The following INPP4B variants were observed in gnomAD, a reference collection of about 807,000 sequenced individuals.
INPP4B encodes the protein inositol polyphosphate 4-phosphatase type II.
A neutral mutation model predicts 122.5 loss-of-function variants in INPP4B; 55 were observed. The ratio of observed to expected loss-of-function variants is 0.45; its 90% CI spans 0.36 to 0.56. INPP4B has a LOEUF of 0.56. Ranked by LOEUF, INPP4B falls within the 20% of genes least tolerant of loss-of-function variation. INPP4B has a pLI of 0.00. For synonymous variants in INPP4B, 403 were observed against 388.7 expected (o/e 1.04, Z -0.43); for missense variants, 1,000 against 1,097.7 (o/e 0.91, Z 1.26).
chr4:142,219,573 T>C lies in INPP4B; in HGVS notation c.837-10547A>G, dbSNP rs138979445. Reference sequence around the variant, plus strand: ...TTCTCACAAATCCACATATGTTCATTACATGCCTTTTCATTCTAAGTAGCC... The same window carrying C: ...TTCTCACAAATCCACATATGTTCATCACATGCCTTTTCATTCTAAGTAGCC... On this transcript the variant is annotated intron_variant, in intron 12 of 25. Coordinates refer to ENST00000262992, the MANE Select transcript of INPP4B (RefSeq NM_001101669.3). 3.3e-5 allele frequency among the ~76,000 whole-genome samples: 5 copies of C among 152,322 alleles called. No homozygotes were observed. In the East Asian group the frequency reaches 7.7e-4, roughly 23 times the overall value.
chr4:142,492,242 A>G (rs1821973902), intron 2 of INPP4B, among the ~76,000 whole-genome samples: 1 of 152,126 alleles, frequency 6.6e-6, no homozygotes, highest in Non-Finnish European at 1.5e-5. Flanking sequence ...TTTCCTTTAT[A>G]AACTACCCAT....
At chr4:142,419,602 T>A (rs1034188376) in intron 5 of INPP4B, among the ~76,000 whole-genome samples, 1 of 152,150 alleles carries the variant, frequency 6.6e-6, no homozygotes, top group African/African-American at 2.4e-5. Context: ...AGATTTAGTT[T>A]CTTCCACTAC....
At chr4:142,372,747 C>T (rs570167904) in intron 7 of INPP4B, among the ~76,000 whole-genome samples, 14 of 152,080 alleles carry the variant, frequency 9.2e-5, no homozygotes, top group South Asian at 4.1e-4. Flanking sequence ...GTAAGATTGA[C>T]GGCATCCTTT....
chr4:142,323,279 T>G (rs1278684796), intron 7 of INPP4B, among the ~76,000 whole-genome samples: 1 of 152,102 alleles, frequency 6.6e-6, no homozygotes, highest in Non-Finnish European at 1.5e-5. Context: ...ATCATAGTGT[T>G]CATTTTGGTA....
At chr4:142,637,321 C>T (rs940903308) in intron 2 of INPP4B, among the ~76,000 whole-genome samples, 6 of 151,920 alleles carry the variant, frequency 3.9e-5, no homozygotes, top group Non-Finnish European at 5.9e-5. Context: ...CATTGCCCCC[C>T]GCAAAAAAAT....
intron 2 of INPP4B, among the ~76,000 whole-genome samples, chr4:142,591,425 A>G (rs1215727105): frequency 6.6e-6 from 1 of 152,206 alleles, no homozygotes; most frequent in African/African-American, 2.4e-5. Flanking sequence ...AACCCAAAGT[A>G]TAAAATAAAT....
intron 17 of INPP4B, among the ~76,000 whole-genome samples, chr4:142,150,225 G>T (rs907182485): frequency 6.6e-6 from 1 of 152,192 alleles, no homozygotes; most frequent in African/African-American, 2.4e-5. Context: ...ATTAGTTTCA[G>T]ATTGCTCCCA....
intron 25 of INPP4B, among the ~76,000 whole-genome samples, chr4:142,074,927 C>T (rs889697972): frequency 1.3e-5 from 2 of 151,988 alleles, no homozygotes; most frequent in Non-Finnish European, 2.9e-5. Context: ...ATCCTTAAGA[C>T]ACAGTTCAGA....
rs893284875 is a variant in INPP4B at position 142,590,704 on chromosome 4, T to C, written c.-190-127978A>G. ...TATTGTATATAATATATAGAGGTTA[T>C]ATAAAAAGATATTCATAAATGTGTA... On this transcript the variant is annotated intron_variant, in intron 2 of 25. Transcript: ENST00000262992. Among the ~76,000 whole-genome samples the C allele has an allele frequency of 2.6e-5, 4 of 151,602 alleles. No individual in the cohort carries two copies. The East Asian group carries it at 7.7e-4, about 29-fold the overall frequency.
intron 2 of INPP4B, among the ~76,000 whole-genome samples, chr4:142,573,854 T>C (rs1324433756): frequency 6.6e-6 from 1 of 152,138 alleles, no homozygotes; most frequent in Non-Finnish European, 1.5e-5. Context: ...TTGCATTCTA[T>C]TGACAGTTTA....
chr4:142,405,159 A>AAGTGAG, intron 6 of INPP4B, 47 bp downstream of exon 6: 1 of 969,576 alleles, frequency 1.0e-6, no homozygotes, highest in Non-Finnish European at 1.6e-6. Context: ...GCGAGCCAGC[A>AAGTGAG]AGAGAGAGAG....
intron 2 of INPP4B, among the ~76,000 whole-genome samples, chr4:142,478,069 C>T (rs1820027998): frequency 6.6e-6 from 1 of 152,140 alleles, no homozygotes; most frequent in Non-Finnish European, 1.5e-5. Flanking sequence ...TCCCAGTATG[C>T]TGGGGTTATA....
At chr4:142,081,602 GC>G (rs1249491221) in intron 25 of INPP4B, among the ~76,000 whole-genome samples, 18 of 152,218 alleles carry the variant, frequency 1.2e-4, no homozygotes, top group African/African-American at 3.4e-4. Flanking sequence ...AATTTGGAAA[GC>G]TTTTGTTTGG....
At chr4:142,732,639 T>C (rs1422041654) in intron 1 of INPP4B, among the ~76,000 whole-genome samples, 1 of 150,676 alleles carries the variant, frequency 6.6e-6, no homozygotes, top group East Asian at 2.0e-4. Flanking sequence ...ATGTTCGTGA[T>C]ATCTACACCA....
At chr4:142,567,384 C>CTA (rs1236448138) in intron 2 of INPP4B, among the ~76,000 whole-genome samples, 1 of 152,124 alleles carries the variant, frequency 6.6e-6, no homozygotes, top group Non-Finnish European at 1.5e-5. Flanking sequence ...TGATCACTAA[C>CTA]TACAACTAGT....
chr4:142,592,589 T>G (rs1017160891), intron 2 of INPP4B, among the ~76,000 whole-genome samples: 4 of 152,240 alleles, frequency 2.6e-5, no homozygotes, highest in Non-Finnish European at 5.9e-5. Flanking sequence ...TTTCTATTTC[T>G]ATGGAATCAG....
At chr4:142,643,211 C>T (rs1408407392) in intron 2 of INPP4B, among the ~76,000 whole-genome samples, 1 of 151,920 alleles carries the variant, frequency 6.6e-6, no homozygotes, top group African/African-American at 2.4e-5. Context: ...ATGCCATCTG[C>T]AAACAGGGCC....
chr4:142,722,448 C>T (rs1764812665), intron 2 of INPP4B, among the ~76,000 whole-genome samples: 1 of 152,046 alleles, frequency 6.6e-6, no homozygotes, highest in African/African-American at 2.4e-5. Context: ...TGAACAGTAG[C>T]AGGAGCTGAT....
At chr4:142,343,010 G>C (rs117717205) in intron 7 of INPP4B, among the ~76,000 whole-genome samples, 1 of 152,212 alleles carries the variant, frequency 6.6e-6, no homozygotes, top group Non-Finnish European at 1.5e-5. Flanking sequence ...CCTGTTATTA[G>C]TGGAGAAATG....
Sources: allele counts gnomAD v4.1 joint callset (sites outside exome capture counted in the v4.1 genomes callset), GRCh38; gene constraint gnomAD v4.1.1; transcripts MANE v1.5; gene names NCBI Gene and HGNC (gene_info 2026-07-23, HGNC 2026-07-21).